NTRK2: variants seen among roughly 807,000 people sequenced by gnomAD.
NTRK2 encodes the protein BDNF/NT-3 growth factors receptor.
Under a neutral mutation model 94.5 loss-of-function variants are expected in NTRK2, and 13 were observed. The observed-to-expected ratio is 0.14, with a 90% confidence interval of 0.09 to 0.22. The LOEUF (loss-of-function observed/expected upper bound fraction) is 0.22. Ranked by LOEUF, NTRK2 falls within the 10% of genes least tolerant of loss-of-function variation. The probability of loss-of-function intolerance (pLI) is 1.00; values close to 1 mark genes in which losing one functional copy is unlikely to be tolerated. For missense variants in NTRK2, 639 were observed against 1,071.2 expected (o/e 0.60, Z 5.63); for synonymous variants, 372 against 407.4 (o/e 0.91, Z 1.05).
At chr9:84,857,298 A>G (rs1564395413) in intron 12 of NTRK2, among the ~76,000 whole-genome samples, 1 of 152,124 alleles carries the variant, frequency 6.6e-6, no homozygotes, top group Non-Finnish European at 1.5e-5. Context: ...AAAGGAGGGG[A>G]TTCTTTAAGC....
intron 2 of NTRK2, among the ~76,000 whole-genome samples, chr9:84,678,982 T>C (rs536284541): frequency 6.6e-6 from 1 of 152,222 alleles, no homozygotes; most frequent in South Asian, 2.1e-4. Context: ...GATTAGGACA[T>C]AAAGGCAAAA....
intron 12 of NTRK2, among the ~76,000 whole-genome samples, chr9:84,798,912 C>CTATATATATATATATA (rs57167822): frequency 0.022 from 2,837 of 127,082 alleles, 84 homozygotes; most frequent in African/African-American, 0.033. Context: ...CTTCTAAGTG[C>CTATATATATATATATA]TATATATATA....
rs1430458410 is a variant in NTRK2, at chr9:85,023,378, C to T, written c.*1941C>T. Reference sequence around the variant, plus strand: ...AGCTCTGTTTTAGGTTTTGCTTGCGCCTGTTAATTACTGGAACACCTTATT... The same window carrying T: ...AGCTCTGTTTTAGGTTTTGCTTGCGTCTGTTAATTACTGGAACACCTTATT... On this transcript the variant is annotated 3_prime_UTR_variant, in exon 19 of 19. Coordinates refer to ENST00000277120, the MANE Select transcript of NTRK2 (RefSeq NM_006180.6). 1 of 232,310 alleles carries T rather than the reference C, an allele frequency of 4.3e-6. No individual in the cohort carries two copies. Among genetic ancestry groups the T allele is most frequent in the African/African-American group, 2.2e-5 (1 of 45,262 alleles). 14.4% of individuals were successfully genotyped at this position (232,310 alleles called of 1,614,324 possible).
chr9:84,907,964 C>G (rs1203008519), intron 14 of NTRK2, among the ~76,000 whole-genome samples: 1 of 152,154 alleles, frequency 6.6e-6, no homozygotes, highest in Non-Finnish European at 1.5e-5. Flanking sequence ...TGAAGATGTC[C>G]TCTAGAAACC....
intron 14 of NTRK2, among the ~76,000 whole-genome samples, chr9:84,902,597 C>A (rs2132411975): frequency 6.6e-6 from 1 of 152,148 alleles, no homozygotes; most frequent in East Asian, 1.9e-4. Flanking sequence ...TTTAAGTTAC[C>A]ATGAAGGAAA....
At chr9:84,957,968 G>A (rs1824368556) in intron 17 of NTRK2, among the ~76,000 whole-genome samples, 1 of 152,174 alleles carries the variant, frequency 6.6e-6, no homozygotes, top group Non-Finnish European at 1.5e-5. Flanking sequence ...AAAACAGTGT[G>A]CTAAGTGAAA....
intron 17 of NTRK2, among the ~76,000 whole-genome samples, chr9:84,995,901 T>C (rs1829697762): frequency 6.6e-6 from 1 of 152,216 alleles, no homozygotes; most frequent in Admixed American, 6.5e-5. Flanking sequence ...ACAAGAAACA[T>C]ATGGATTCTT....
intron 17 of NTRK2, among the ~76,000 whole-genome samples, chr9:84,981,001 A>G (rs558548280): frequency 3.3e-5 from 5 of 152,204 alleles, no homozygotes; most frequent in Admixed American, 2.0e-4. Flanking sequence ...CAGATGGCAA[A>G]ATCAACCAGA....
chr9:84,975,479 G>A (rs894794591), intron 17 of NTRK2, among the ~76,000 whole-genome samples: 4 of 152,126 alleles, frequency 2.6e-5, no homozygotes, highest in South Asian at 2.1e-4. Context: ...AGACTAAAGG[G>A]GGTCTCACTT....
At chr9:84,875,937 G>A (rs2132152990) in intron 14 of NTRK2, 1 of 1,038,250 alleles carries the variant, frequency 9.6e-7, no homozygotes, top group Non-Finnish European at 1.2e-6. Flanking sequence ...TTCCTGTGAT[G>A]TAAGAGATTA....
At chr9:84,931,716 C>CAAAAAAAAAAAAAAAAAAAA (rs11395381) in intron 14 of NTRK2, among the ~76,000 whole-genome samples, 1 of 100,366 alleles carries the variant, frequency 1.0e-5, no homozygotes, top group African/African-American at 3.2e-5. Flanking sequence ...TAATAAAATG[C>CAAAAAAAAAAAAAAAAAAAA]AAAAAAAAAA....
chr9:84,862,740 T>C (rs1262213623), intron 13 of NTRK2, among the ~76,000 whole-genome samples: 1 of 152,130 alleles, frequency 6.6e-6, no homozygotes, highest in Non-Finnish European at 1.5e-5. Context: ...CTGGGATCCA[T>C]TAAAAGGCAG....
rs184850311 is a variant in NTRK2 at position 84,876,516 on chromosome 9, C to A, written c.1633+9085C>A. 2.3e-4 allele frequency: 240 copies of A among 1,055,902 alleles called. 1 individual carries two copies. The African/African-American group carries it at 3.7e-3, about 16-fold the overall frequency. 65.4% of individuals were successfully genotyped at this position (1,055,902 alleles called of 1,614,324 possible). On this transcript the variant is annotated intron_variant, in intron 14 of 18. Transcript: ENST00000277120. ...ATAGAGAGGCACTAACTGCTTTACC[C>A]AGGATCAGAACTCATGTTCTTACCT... is the stretch of plus-strand genomic sequence containing the variant.
rs2077456781 is a variant in NTRK2, at chr9:84,918,253, A to G, written c.1634-15909A>G. Among the ~76,000 whole-genome samples, 4 of 152,224 alleles carry G rather than the reference A, an allele frequency of 2.6e-5. No individual in the cohort carries two copies. In the South Asian group the frequency reaches 6.2e-4, roughly 24 times the overall value. ...AGCGCCAAGCAATCAGGTATTAGGA[A>G]CTGGCTGGCCATCATACACATTGTC... On this transcript the variant is annotated intron_variant, in intron 14 of 18. Transcript: ENST00000277120.
intron 2 of NTRK2, among the ~76,000 whole-genome samples, chr9:84,692,116 T>C (rs1266726547): frequency 2.0e-5 from 3 of 152,338 alleles, no homozygotes; most frequent in East Asian, 3.9e-4. Context: ...GGTGCCATGG[T>C]ACCTGTTCAG....
chr9:84,700,263 C>A lies in NTRK2; in HGVS notation c.213-1896C>A, dbSNP rs115297031. Among the ~76,000 whole-genome samples the A allele has an allele frequency of 6.2e-3, 948 of 152,302 alleles. 11 individuals are homozygous for A. The highest frequency in any genetic ancestry group is 0.022 in the African/African-American group (905 of 41,554). On this transcript the variant is annotated intron_variant, in intron 2 of 18. Transcript: ENST00000277120. ...GTGAGATCATTTAGAAGAGTGAGGT[C>A]ACTGTGGTCTCTATTGAAAATGTTG...
chr9:84,984,841 T>C (rs545707609), intron 17 of NTRK2, among the ~76,000 whole-genome samples: 14 of 152,362 alleles, frequency 9.2e-5, no homozygotes, highest in African/African-American at 3.1e-4. Flanking sequence ...CACATCTCTA[T>C]TTCATATTTT....
At chr9:84,932,958 T>C (rs1307608552) in intron 14 of NTRK2, among the ~76,000 whole-genome samples, 1 of 152,220 alleles carries the variant, frequency 6.6e-6, no homozygotes, top group African/African-American at 2.4e-5. Flanking sequence ...AGAAAACACA[T>C]GAACTCTGGA....
intron 14 of NTRK2, among the ~76,000 whole-genome samples, chr9:84,923,365 G>A (rs1215777078): frequency 1.3e-5 from 2 of 152,138 alleles, no homozygotes; most frequent in African/African-American, 4.8e-5. Context: ...CATTCTGATT[G>A]TGTTATTGTC....
Sources: allele counts gnomAD v4.1 joint callset (sites outside exome capture counted in the v4.1 genomes callset), GRCh38; gene constraint gnomAD v4.1.1; transcripts MANE v1.5; gene names NCBI Gene and HGNC (gene_info 2026-07-23, HGNC 2026-07-21).